The following MARCHF8 variants were observed in gnomAD, a reference collection of about 807,000 sequenced individuals.
MARCHF8 encodes the protein E3 ubiquitin-protein ligase MARCHF8.
MARCHF8 carries 40 observed loss-of-function variants against 51.6 expected under a neutral mutation model. The ratio of observed to expected loss-of-function variants is 0.77; its 90% CI spans 0.60 to 1.01. The LOEUF is 1.01. Among genes scored for constraint, MARCHF8 ranks in the 50% least tolerant of loss-of-function variants. The probability of loss-of-function intolerance (pLI) is 0.00; values close to 1 mark genes in which losing one functional copy is unlikely to be tolerated. For missense variants in MARCHF8, 685 were observed against 708.6 expected (o/e 0.97, Z 0.38); for synonymous variants, 263 against 280.3 (o/e 0.94, Z 0.62).
intron 2 of MARCHF8, among the ~76,000 whole-genome samples, chr10:45,517,576 C>T (rs2043640420): frequency 6.6e-6 from 1 of 152,212 alleles, no homozygotes; most frequent in Non-Finnish European, 1.5e-5. Context: ...CTTCTGTAAG[C>T]AGCCCAAGGC....
At chr10:45,555,938 A>G (rs1175062516) in intron 1 of MARCHF8, among the ~76,000 whole-genome samples, 1 of 152,126 alleles carries the variant, frequency 6.6e-6, no homozygotes, top group East Asian at 1.9e-4. Flanking sequence ...ACAGTCTGTA[A>G]AAAGAGTCTT....
At chr10:45,474,384 C>G (rs773587964) in intron 3 of MARCHF8, among the ~76,000 whole-genome samples, 1 of 152,068 alleles carries the variant, frequency 6.6e-6, no homozygotes, top group Non-Finnish European at 1.5e-5. Flanking sequence ...CCTGGTACCC[C>G]GAGACAATGG....
chr10:45,471,922 A>G (rs2042698887), intron 3 of MARCHF8, among the ~76,000 whole-genome samples: 1 of 152,184 alleles, frequency 6.6e-6, no homozygotes, highest in Non-Finnish European at 1.5e-5. Context: ...ATCTGCTACA[A>G]AATGCCTCAT....
chr10:45,506,818 G>C (rs1199217471), intron 2 of MARCHF8, among the ~76,000 whole-genome samples: 1 of 152,126 alleles, frequency 6.6e-6, no homozygotes, highest in African/African-American at 2.4e-5. Flanking sequence ...GGTAGGTAGT[G>C]GAAAATTTTC....
intron 1 of MARCHF8, among the ~76,000 whole-genome samples, chr10:45,542,775 A>G (rs1479515090): frequency 3.9e-5 from 6 of 152,224 alleles, no homozygotes; most frequent in African/African-American, 1.4e-4. Context: ...TAAAAAGAAT[A>G]ACAGGTATGA....
chr10:45,533,856 A>ACT (rs1589157289), intron 1 of MARCHF8, among the ~76,000 whole-genome samples: 1 of 152,128 alleles, frequency 6.6e-6, no homozygotes, highest in East Asian at 1.9e-4. Context: ...CAGCTAATTA[A>ACT]CTCTGCCACT....
chr10:45,568,989 C>T (rs978498608), intron 1 of MARCHF8, among the ~76,000 whole-genome samples: 1 of 141,246 alleles, frequency 7.1e-6, no homozygotes, highest in African/African-American at 2.7e-5. Flanking sequence ...GGCATGAACC[C>T]GGGAGGCGGA....
At position 45,570,642 on chromosome 10, in the gene MARCHF8, T is replaced by C. The variant is rs898333999; in HGVS notation, c.-79+23593A>G. The stretch of plus-strand genomic sequence containing the variant: ...TGTAATAGGCAAGGAAAAGAAATAC[T>C]ACGCATAAATATTTGAAACGAAGTT... On this transcript the variant is annotated intron_variant, in intron 1 of 6. Coordinates refer to the MARCHF8 transcript ENST00000319836. Among the ~76,000 whole-genome samples the C allele has an allele frequency of 3.3e-5, 5 of 152,212 alleles. 1 individual carries two copies. The highest frequency in any genetic ancestry group is 3.3e-4 in the Admixed American group (5 of 15,278).
At chr10:45,545,942 A>C (rs189428281) in intron 1 of MARCHF8, among the ~76,000 whole-genome samples, 123 of 152,258 alleles carry the variant, frequency 8.1e-4, no homozygotes, top group Non-Finnish European at 1.2e-3. Context: ...CCTGCCTTTT[A>C]CTGAAACGAA....
intron 3 of MARCHF8, among the ~76,000 whole-genome samples, chr10:45,468,099 AAATACTT>A (rs1270630154): frequency 1.3e-5 from 2 of 152,238 alleles, no homozygotes; most frequent in Non-Finnish European, 2.9e-5. Flanking sequence ...TAGAAATGAT[AAATACTT>A]TTTGACAATT....
intron 2 of MARCHF8, among the ~76,000 whole-genome samples, chr10:45,491,547 A>C (rs150436909): frequency 1.1e-4 from 16 of 152,330 alleles, no homozygotes; most frequent in Non-Finnish European, 1.9e-4. Context: ...CCGTATCAAC[A>C]ACAACAAAAA....
intron 2 of MARCHF8, among the ~76,000 whole-genome samples, chr10:45,512,627 G>A (rs2043546051): frequency 6.6e-6 from 1 of 150,628 alleles, no homozygotes. Context: ...CGCCCGGCCA[G>A]CCGCCCCGTC....
intron 3 of MARCHF8, among the ~76,000 whole-genome samples, chr10:45,489,051 T>A (rs1397350339): frequency 6.6e-6 from 1 of 152,172 alleles, no homozygotes; most frequent in Admixed American, 6.5e-5. Flanking sequence ...AGCTTTCTGT[T>A]ACTTTCAGTC....
At chr10:45,473,028 T>A (rs2042722420) in intron 3 of MARCHF8, among the ~76,000 whole-genome samples, 1 of 152,234 alleles carries the variant, frequency 6.6e-6, no homozygotes, top group African/African-American at 2.4e-5. Context: ...ACTGGTCAAC[T>A]CTGCATTCAG....
chr10:45,577,854 C>T (rs2044507402), intron 1 of MARCHF8, among the ~76,000 whole-genome samples: 1 of 152,154 alleles, frequency 6.6e-6, no homozygotes, highest in East Asian at 1.9e-4. Flanking sequence ...GATCCCATCT[C>T]TACTAAAAAT....
At chr10:45,467,701 G>A (rs1843014372) in intron 3 of MARCHF8, among the ~76,000 whole-genome samples, 1 of 152,004 alleles carries the variant, frequency 6.6e-6, no homozygotes, top group Non-Finnish European at 1.5e-5. Flanking sequence ...CTCACTAGAT[G>A]GGACAGGACC....
At chr10:45,514,636 C>CTA (rs2043589516) in intron 2 of MARCHF8, among the ~76,000 whole-genome samples, 1 of 152,212 alleles carries the variant, frequency 6.6e-6, no homozygotes, top group Non-Finnish European at 1.5e-5. Context: ...TCACCTCTGC[C>CTA]TATAGTCTCC....
chr10:45,522,888 T>C (rs996263625), intron 2 of MARCHF8, among the ~76,000 whole-genome samples: 1 of 152,110 alleles, frequency 6.6e-6, no homozygotes, highest in Non-Finnish European at 1.5e-5. Flanking sequence ...ATGGCTCGTG[T>C]CTATAATACC....
At chr10:45,554,848 C>T (rs562871576) in intron 1 of MARCHF8, among the ~76,000 whole-genome samples, 3 of 152,224 alleles carry the variant, frequency 2.0e-5, no homozygotes, top group East Asian at 1.9e-4. Context: ...TGAGGTCAAG[C>T]GTTCAAGACC....
Sources: allele counts gnomAD v4.1 joint callset (sites outside exome capture counted in the v4.1 genomes callset), GRCh38; gene constraint gnomAD v4.1.1; transcripts MANE v1.5; gene names NCBI Gene and HGNC (gene_info 2026-07-23, HGNC 2026-07-21).